Variants in DDX10 observed in about 807,000 individuals in gnomAD.
DDX10 encodes probable ATP-dependent RNA helicase DDX10.
DDX10 carries 74 observed loss-of-function variants against 104.3 expected under a neutral mutation model. The ratio of observed to expected loss-of-function variants is 0.71; its 90% CI spans 0.59 to 0.86. DDX10 has a LOEUF of 0.86. Ranked by LOEUF, DDX10 falls within the 40% of genes least tolerant of loss-of-function variation. DDX10 has a pLI of 0.00. For missense variants in DDX10, 952 were observed against 1,040.0 expected, an observed-to-expected ratio of 0.92 and a Z score of 1.16; for synonymous variants, 351 against 353.4, an observed-to-expected ratio of 0.99 and a Z score of 0.08.
intron 5 of DDX10, 117 bp downstream of exon 5, chr11:108,678,552 C>A: frequency 8.9e-7 from 1 of 1,127,364 alleles, no homozygotes; most frequent in Non-Finnish European, 1.2e-6. Flanking sequence ...TCAAAACAAA[C>A]TTAAAAATTA....
chr11:108,731,418 A>C (rs756429231), intron 13 of DDX10, among the ~76,000 whole-genome samples: 3 of 151,990 alleles, frequency 2.0e-5, no homozygotes, highest in Non-Finnish European at 4.4e-5. Flanking sequence ...AAAAATTAAT[A>C]CTTATTTTCA....
intron 13 of DDX10, among the ~76,000 whole-genome samples, chr11:108,803,946 T>C (rs1862061120): frequency 6.6e-6 from 1 of 152,200 alleles, no homozygotes; most frequent in African/African-American, 2.4e-5. Flanking sequence ...CACTTTTGGG[T>C]TCTCTCATCC....
At chr11:108,758,542 C>T (rs774033861) in intron 13 of DDX10, among the ~76,000 whole-genome samples, 1 of 152,086 alleles carries the variant, frequency 6.6e-6, no homozygotes, top group Non-Finnish European at 1.5e-5. Flanking sequence ...ATGAATCTCA[C>T]TGGAGTAAAA....
intron 16 of DDX10, among the ~76,000 whole-genome samples, chr11:108,857,511 C>T (rs1003166544): frequency 6.6e-6 from 1 of 152,176 alleles, no homozygotes; most frequent in Non-Finnish European, 1.5e-5. Context: ...TGTGGTTGCA[C>T]TTCTCTCTCT....
intron 13 of DDX10, among the ~76,000 whole-genome samples, chr11:108,748,645 T>C (rs777357855): frequency 9.2e-5 from 14 of 152,146 alleles, no homozygotes; most frequent in African/African-American, 1.7e-4. Flanking sequence ...GTGTTCTTGC[T>C]AATTACCTGT....
intron 13 of DDX10, among the ~76,000 whole-genome samples, chr11:108,744,909 A>G (rs1591807371): frequency 6.6e-6 from 1 of 152,182 alleles, no homozygotes; most frequent in African/African-American, 2.4e-5. Context: ...TAGATGTGAT[A>G]GGTGAAGAAA....
intron 13 of DDX10, among the ~76,000 whole-genome samples, chr11:108,787,158 T>C (rs1861805772): frequency 6.6e-6 from 1 of 152,236 alleles, no homozygotes; most frequent in Non-Finnish European, 1.5e-5. Context: ...TTAAGAATGC[T>C]GAAAATAGAC....
chr11:108,679,755 A>G (rs554005056), intron 6 of DDX10, among the ~76,000 whole-genome samples, 195 bp downstream of exon 6: 62 of 152,198 alleles, frequency 4.1e-4, no homozygotes, highest in Non-Finnish European at 7.5e-4. Context: ...TGAATGTAGC[A>G]TTTCCCAAAA....
chr11:108,675,580 C>T lies in DDX10; in HGVS notation c.248-16C>T. 6.2e-7 allele frequency: 1 copy of T among 1,611,992 alleles called. No individual in the cohort carries two copies. The highest frequency in any genetic ancestry group is 8.5e-7 in the Non-Finnish European group (1 of 1,179,150). Reference sequence around the variant, plus strand: ...AGGGATCTTCTAAAGTATAATTCTTCCCTCCATGTTGCCAGGTTTGCAAGA... The same window carrying T: ...AGGGATCTTCTAAAGTATAATTCTTTCCTCCATGTTGCCAGGTTTGCAAGA... On this transcript the variant is annotated splice_polypyrimidine_tract_variant and intron_variant, in intron 2 of 17. Transcript: ENST00000322536.
chr11:108,829,280 A>T (rs536118720), intron 13 of DDX10, among the ~76,000 whole-genome samples: 1 of 151,994 alleles, frequency 6.6e-6, no homozygotes, highest in Admixed American at 6.6e-5. Context: ...TTATTTTTTG[A>T]TTATGGCCAT....
intron 13 of DDX10, among the ~76,000 whole-genome samples, chr11:108,813,699 G>A (rs1359040616): frequency 6.6e-6 from 1 of 152,060 alleles, no homozygotes; most frequent in African/African-American, 2.4e-5. Context: ...TACTTTTATG[G>A]TTTAATATTT....
chr11:108,792,355 T>G (rs1861883101), intron 13 of DDX10, among the ~76,000 whole-genome samples: 1 of 152,310 alleles, frequency 6.6e-6, no homozygotes, highest in East Asian at 1.9e-4. Context: ...TCACAAAGGT[T>G]TTTGTCCTTT....
chr11:108,791,026 C>T (rs1278074996), intron 13 of DDX10, among the ~76,000 whole-genome samples: 3 of 152,206 alleles, frequency 2.0e-5, no homozygotes, highest in African/African-American at 4.8e-5. Flanking sequence ...TGATATTCTT[C>T]CCACAACGAG....
At chr11:108,792,535 A>T (rs1037419721) in intron 13 of DDX10, among the ~76,000 whole-genome samples, 1 of 152,276 alleles carries the variant, frequency 6.6e-6, no homozygotes, top group East Asian at 1.9e-4. Flanking sequence ...TCATTCAATT[A>T]TCTTGGTACC....
chr11:108,696,830 T>TACCA (rs2094260547), intron 9 of DDX10, among the ~76,000 whole-genome samples: 1 of 152,204 alleles, frequency 6.6e-6, no homozygotes, highest in Non-Finnish European at 1.5e-5. Context: ...GGCAGACTGA[T>TACCA]TCATAAATAG....
Position 108,671,853 on chromosome 11 carries a change from A to T in DDX10, c.187-1614A>T, listed in dbSNP as rs182424830. 6.6e-4 allele frequency among the ~76,000 whole-genome samples: 101 copies of T among 152,022 alleles called. 1 individual carries two copies. Among genetic ancestry groups the T allele is most frequent in the African/African-American group, 1.7e-3 (72 of 41,494 alleles). On this transcript the variant is annotated intron_variant, in intron 1 of 17. Transcript: ENST00000322536. ...GGCGGGTGGATCACGAGGTCAGGAG[A>T]TCAAGACCATCCTGGCTAACACGAT... is the stretch of plus-strand genomic sequence containing the variant.
chr11:108,752,828 A>G (rs1410152830), intron 13 of DDX10, among the ~76,000 whole-genome samples: 4 of 152,106 alleles, frequency 2.6e-5, no homozygotes, highest in African/African-American at 7.2e-5. Flanking sequence ...TTAGGAGATA[A>G]AGGAATATAA....
intron 13 of DDX10, among the ~76,000 whole-genome samples, chr11:108,828,150 G>T (rs906532659): frequency 1.3e-5 from 2 of 152,082 alleles, no homozygotes; most frequent in African/African-American, 4.8e-5. Flanking sequence ...TTTATTATTT[G>T]TTTTTAATTT....
chr11:108,708,995 A>C (rs947779762), intron 10 of DDX10, among the ~76,000 whole-genome samples: 2 of 152,120 alleles, frequency 1.3e-5, no homozygotes, highest in Admixed American at 1.3e-4. Context: ...TTCTTTGTCC[A>C]TTCTTTTCGA....
Sources: allele counts gnomAD v4.1 joint callset (sites outside exome capture counted in the v4.1 genomes callset), GRCh38; gene constraint gnomAD v4.1.1; transcripts MANE v1.5; gene names NCBI Gene and HGNC (gene_info 2026-07-23, HGNC 2026-07-21).